The following GALM variants were observed in gnomAD, a reference collection of about 807,000 sequenced individuals.
The protein encoded by GALM is aldose 1-epimerase.
GALM carries 43 observed loss-of-function variants against 37.4 expected under a neutral mutation model. The ratio of observed to expected loss-of-function variants is 1.15; its 90% confidence interval spans 0.90 to 1.48. GALM has a LOEUF of 1.48. GALM is among the 40% of genes most tolerant of loss of function. The probability of loss-of-function intolerance (pLI) is 0.00; values close to 1 mark genes in which losing one functional copy is unlikely to be tolerated. For missense variants in GALM, 456 were observed against 419.1 expected (o/e 1.09, Z -0.77); for synonymous variants, 199 against 170.6 (o/e 1.17, Z -1.30).
At chr2:38,719,758 G>A (rs1308213991) in intron 4 of GALM, among the ~76,000 whole-genome samples, 1 of 122,728 alleles carries the variant, frequency 8.1e-6, no homozygotes, top group African/African-American at 3.0e-5. Context: ...TGGTCGACAA[G>A]AACGAAATTC....
chr2:38,728,385 T>C (rs377334655), intron 4 of GALM, among the ~76,000 whole-genome samples: 1,791 of 139,356 alleles, frequency 0.013, 36 homozygotes, highest in African/African-American at 0.044. Context: ...CGAGCAAAAC[T>C]CTGTCTCAAA....
chr2:38,733,138 T>C (rs1666640071), intron 6 of GALM, among the ~76,000 whole-genome samples: 1 of 149,754 alleles, frequency 6.7e-6, no homozygotes, highest in Non-Finnish European at 1.5e-5. Flanking sequence ...GGAGAATCGC[T>C]TGAACCCAGG....
rs545817619 is a variant in GALM at position 38,731,804 on chromosome 2, G to A, written c.846G>A (p.Thr282=). The A allele has an allele frequency of 4.5e-5, 73 of 1,613,940 alleles. No homozygotes were observed. In the East Asian group the frequency reaches 8.2e-4, roughly 18 times the overall value. The stretch of plus-strand genomic sequence containing the variant: ...CCCAGCCCGGGGTCCAGTTTTACAC[G>A]GGCAACTTCCTGGATGGCACATTAA... The part of the protein sequence containing the change: ...YTTQPGVQFY[T]GNFLDGTLKG... Residue 282 remains threonine, a synonymous_variant, in exon 6 of 7, where the codon ACG becomes ACA. Transcript: ENST00000272252.
intron 4 of GALM, among the ~76,000 whole-genome samples, chr2:38,698,736 C>A (rs555210867): frequency 6.6e-6 from 1 of 152,252 alleles, no homozygotes; most frequent in South Asian, 2.1e-4. Context: ...GAGAACACTG[C>A]AGTGCCAGAT....
At chr2:38,708,977 G>A (rs964515774) in intron 4 of GALM, among the ~76,000 whole-genome samples, 3 of 152,100 alleles carry the variant, frequency 2.0e-5, no homozygotes, top group Admixed American at 6.6e-5. Flanking sequence ...CAGCTCTCTC[G>A]GCAGGGCGGA....
intron 4 of GALM, among the ~76,000 whole-genome samples, chr2:38,706,014 A>AT (rs924597612): frequency 1.6e-4 from 23 of 147,548 alleles, no homozygotes; most frequent in African/African-American, 2.0e-4. Context: ...CATCAGGCTG[A>AT]TTTTTTTTTG....
Position 38,678,102 on chromosome 2 carries a change from C to T in GALM, c.345+2036C>T, listed in dbSNP as rs190398994. On this transcript the variant is annotated intron_variant, in intron 2 of 6. Coordinates refer to ENST00000272252, the MANE Select transcript of GALM (RefSeq NM_138801.3). ...CGCCATCTCAGCTCACCACAACCTC[C>T]ACCTCCTGGGTTCAAGCAATTCTCC... Among the ~76,000 whole-genome samples the T allele has an allele frequency of 4.6e-3, 695 of 151,870 alleles. 10 individuals carry two copies. Among genetic ancestry groups the T allele is most frequent in the African/African-American group, 0.016 (659 of 41,372 alleles).
rs149331676 is a variant in GALM at position 38,731,803 on chromosome 2, C to A, written c.845C>A (p.Thr282Lys). 1 of 1,613,798 alleles carries A rather than the reference C, an allele frequency of 6.2e-7. No homozygotes were observed. Among genetic ancestry groups the A allele is most frequent in the Non-Finnish European group, 8.5e-7 (1 of 1,179,830 alleles). Residue 282 changes from threonine (T) to lysine (K), a missense_variant, in exon 6 of 7, where the codon ACG becomes AAG. Transcript: ENST00000272252. Reference sequence around the variant, plus strand: ...ACCCAGCCCGGGGTCCAGTTTTACACGGGCAACTTCCTGGATGGCACATTA... The same window carrying A: ...ACCCAGCCCGGGGTCCAGTTTTACAAGGGCAACTTCCTGGATGGCACATTA... ...YTTQPGVQFY[T>K]GNFLDGTLKG... is the part of the protein sequence containing the mutation.
intron 3 of GALM, among the ~76,000 whole-genome samples, chr2:38,682,923 C>T (rs1162518648): frequency 8.0e-5 from 12 of 150,210 alleles, no homozygotes; most frequent in Non-Finnish European, 1.5e-4. Context: ...ATCTTAAAAA[C>T]GAAACAAAAG....
intron 4 of GALM, among the ~76,000 whole-genome samples, chr2:38,696,874 C>T (rs1285537059): frequency 1.4e-5 from 2 of 143,026 alleles, no homozygotes; most frequent in African/African-American, 5.3e-5. Context: ...ACTGTAACCT[C>T]TGCCTCCCAT....
chr2:38,698,070 A>T (rs1196660556), intron 4 of GALM, among the ~76,000 whole-genome samples: 2 of 151,780 alleles, frequency 1.3e-5, no homozygotes, highest in Non-Finnish European at 2.9e-5. Flanking sequence ...CAGCCTCCCA[A>T]TTAGCTGGGA....
chr2:38,723,123 A>C (rs1465747040), intron 4 of GALM, among the ~76,000 whole-genome samples: 3 of 152,196 alleles, frequency 2.0e-5, no homozygotes, highest in Non-Finnish European at 4.4e-5. Context: ...GGGTACAGAG[A>C]TAAATAGGGC....
chr2:38,722,052 C>CCCCCCCCCCCCCA (rs1666391057), intron 4 of GALM, among the ~76,000 whole-genome samples: 1 of 121,570 alleles, frequency 8.2e-6, no homozygotes. Context: ...CCCCCCCCCC[C>CCCCCCCCCCCCCA]ACCTAGAACA....
chr2:38,689,516 T>C (rs979107507), intron 3 of GALM, among the ~76,000 whole-genome samples: 1 of 152,190 alleles, frequency 6.6e-6, no homozygotes, highest in Non-Finnish European at 1.5e-5. Context: ...ACACCTCCAC[T>C]AATAAGCCAA....
chr2:38,683,533 A>C (rs748630456), intron 3 of GALM, among the ~76,000 whole-genome samples: 3 of 150,292 alleles, frequency 2.0e-5, no homozygotes, highest in African/African-American at 4.9e-5. Flanking sequence ...GCACTCAAAA[A>C]GCTCAGATTT....
chr2:38,673,260 C>G (rs1665161384), intron 1 of GALM, among the ~76,000 whole-genome samples: 1 of 152,294 alleles, frequency 6.6e-6, no homozygotes, highest in African/African-American at 2.4e-5. Context: ...ATTGCATTCT[C>G]TGCTGATCTG....
chr2:38,693,249 G>A (rs1053695806), intron 4 of GALM, among the ~76,000 whole-genome samples: 3 of 152,122 alleles, frequency 2.0e-5, no homozygotes, highest in African/African-American at 4.8e-5. Flanking sequence ...TTGGGAGGCC[G>A]AGGTGGGCAA....
intron 1 of GALM, among the ~76,000 whole-genome samples, chr2:38,669,826 T>C (rs1665043509): frequency 6.6e-6 from 1 of 152,012 alleles, no homozygotes; most frequent in Admixed American, 6.5e-5. Context: ...TGAGCCGAGA[T>C]TGTGCTACTG....
At chr2:38,667,852 T>C (rs995691930) in intron 1 of GALM, among the ~76,000 whole-genome samples, 10 of 152,130 alleles carry the variant, frequency 6.6e-5, no homozygotes, top group Non-Finnish European at 1.2e-4. Flanking sequence ...AATAAAAATA[T>C]ACTCTAACCT....
Sources: gnomAD v4.1 joint callset for allele counts (sites outside exome capture counted in the v4.1 genomes callset) on GRCh38, gnomAD v4.1.1 for gene constraint, MANE v1.5 for transcripts, NCBI Gene and HGNC (gene_info 2026-07-23, HGNC 2026-07-21) for gene names.